The following CACNA1C variants were observed in gnomAD, a reference collection of about 807,000 sequenced individuals.
CACNA1C encodes voltage-dependent L-type calcium channel subunit alpha-1C.
A neutral mutation model predicts 229.0 loss-of-function variants in CACNA1C; 30 were observed. The ratio of observed to expected loss-of-function variants is 0.13; its 90% CI spans 0.10 to 0.18. The LOEUF (loss-of-function observed/expected upper bound fraction) is 0.18. Ranked by LOEUF, CACNA1C falls within the 10% of genes least tolerant of loss-of-function variation. CACNA1C has a pLI of 1.00. For synonymous variants in CACNA1C, 1,114 were observed against 1,132.5 expected, an observed-to-expected ratio of 0.98 and a Z score of 0.33; for missense variants, 1,658 against 2,845.0, an observed-to-expected ratio of 0.58 and a Z score of 9.49.
rs567508437 is a variant in CACNA1C, at chr12:2,011,615, A to C, written c.139+40414A>C. Among the ~76,000 whole-genome samples the C allele has an allele frequency of 6.2e-4, 95 of 152,354 alleles. 1 individual carries two copies. The highest frequency in any genetic ancestry group is 1.2e-3 in the Non-Finnish European group (81 of 68,032). On this transcript the variant is annotated intron_variant, in intron 1 of 46. Transcript: ENST00000682462. ...CCTCGGTTCATATCAAATGCGTATCAAATCTTTACAAACATGTAGAAAAGC... is the reference window on the plus strand; with the variant it reads ...CCTCGGTTCATATCAAATGCGTATCCAATCTTTACAAACATGTAGAAAAGC...
At chr12:2,472,574 A>G (rs969701635) in intron 5 of CACNA1C, among the ~76,000 whole-genome samples, 1 of 151,990 alleles carries the variant, frequency 6.6e-6, no homozygotes, top group Non-Finnish European at 1.5e-5. Context: ...ATGTATCTAT[A>G]TATGGATACA....
chr12:2,413,442 A>G (rs1049235553), intron 3 of CACNA1C, among the ~76,000 whole-genome samples: 1 of 152,160 alleles, frequency 6.6e-6, no homozygotes, highest in Non-Finnish European at 1.5e-5. Flanking sequence ...CTCAGTTTGA[A>G]TTGCCATGTG....
intron 4 of CACNA1C, among the ~76,000 whole-genome samples, chr12:2,456,408 C>G (rs928749810): frequency 6.6e-6 from 1 of 152,232 alleles, no homozygotes; most frequent in Non-Finnish European, 1.5e-5. Flanking sequence ...GATCATGTCA[C>G]TCTCCTGCTC....
intron 3 of CACNA1C, among the ~76,000 whole-genome samples, chr12:2,390,159 C>T (rs554715449): frequency 1.3e-4 from 20 of 152,272 alleles, no homozygotes; most frequent in African/African-American, 4.8e-4. Flanking sequence ...TAAAAGGTCC[C>T]CCAAGCCCAG....
At chr12:2,095,131 A>G (rs2073282258) in intron 1 of CACNA1C, among the ~76,000 whole-genome samples, 1 of 152,212 alleles carries the variant, frequency 6.6e-6, no homozygotes, top group Non-Finnish European at 1.5e-5. Flanking sequence ...CCACCAGATC[A>G]CACTATCTCT....
intron 1 of CACNA1C, among the ~76,000 whole-genome samples, chr12:2,013,051 CATA>C (rs1179133608): frequency 6.6e-6 from 1 of 152,118 alleles, no homozygotes; most frequent in Non-Finnish European, 1.5e-5. Flanking sequence ...GCCATAGTGG[CATA>C]ATGTCTTTCT....
chr12:2,255,639 G>C (rs1468625638), intron 3 of CACNA1C, among the ~76,000 whole-genome samples: 1 of 152,224 alleles, frequency 6.6e-6, no homozygotes, highest in Non-Finnish European at 1.5e-5. Context: ...AGAAGACCAG[G>C]AGGGTCACCT....
In CACNA1C at chr12:2,098,736, C is replaced by T. The variant is rs905898735; in HGVS notation, c.50-16488C>T. ...AAAAGAGTTTTAAAAACCCAGCTTT[C>T]ATGTTTTATTTTACTTCATTGAAAT... On this transcript the variant is annotated intron_variant, in intron 1 of 46. Coordinates refer to ENST00000399655, the MANE Select transcript of CACNA1C (RefSeq NM_000719.7). Among the ~76,000 whole-genome samples, 3 of 152,314 alleles carry T rather than the reference C, an allele frequency of 2.0e-5. 1 individual carries two copies. The highest frequency in any genetic ancestry group is 1.5e-5 in the Non-Finnish European group (1 of 68,016).
rs1544514 is a variant in CACNA1C, at chr12:2,449,020, G to A, written c.522G>A (p.Ala174=). 0.19 allele frequency: 310,077 copies of A among 1,603,596 alleles called. 31,499 individuals carry two copies. The highest frequency in any genetic ancestry group is 0.22 in the Middle Eastern group (1,302 of 6,040). Residue 174 remains alanine (A), a synonymous_variant, in exon 4 of 47, where the codon GCG becomes GCA. Transcript: ENST00000399655. The stretch of plus-strand genomic sequence containing the variant: ...TTCTCATAATTTTTACGGTGGAAGC[G>A]TTTTTAAAAGTAATCGCCTATGGAC... ...YLFLIIFTVE[A]FLKVIAYGLL...
intron 38 of CACNA1C, among the ~76,000 whole-genome samples, chr12:2,671,962 C>G (rs2096589396): frequency 6.6e-6 from 1 of 152,154 alleles, no homozygotes; most frequent in Non-Finnish European, 1.5e-5. Context: ...GACACGGGCC[C>G]TCCACAAACT....
chr12:2,397,285 GT>G (rs1382262573), intron 3 of CACNA1C, among the ~76,000 whole-genome samples: 1 of 152,224 alleles, frequency 6.6e-6, no homozygotes, highest in East Asian at 1.9e-4. Flanking sequence ...TTTTGCTTGT[GT>G]CTTGGATTTT....
chr12:2,259,255 C>T (rs529378076), intron 3 of CACNA1C, among the ~76,000 whole-genome samples: 1 of 152,186 alleles, frequency 6.6e-6, no homozygotes, highest in African/African-American at 2.4e-5. Flanking sequence ...ACACGGGACC[C>T]AGCAGTTTGT....
intron 9 of CACNA1C, among the ~76,000 whole-genome samples, chr12:2,514,186 T>C (rs1330664669): frequency 6.6e-6 from 1 of 152,154 alleles, no homozygotes; most frequent in Non-Finnish European, 1.5e-5. Flanking sequence ...GAGAGGATGA[T>C]GAGAAGAGCT....
intron 3 of CACNA1C, among the ~76,000 whole-genome samples, chr12:2,359,165 A>G (rs1022521503): frequency 1.3e-5 from 2 of 152,126 alleles, no homozygotes; most frequent in Admixed American, 6.5e-5. Context: ...TGACCCACCC[A>G]TCTCCTACAC....
chr12:2,065,694 A>G (rs1352750652), intron 1 of CACNA1C, among the ~76,000 whole-genome samples: 1 of 152,218 alleles, frequency 6.6e-6, no homozygotes, highest in Non-Finnish European at 1.5e-5. Context: ...GTATGGAAAG[A>G]TGGAATAAAT....
chr12:2,373,351 A>G (rs1377050030), intron 3 of CACNA1C, among the ~76,000 whole-genome samples: 1 of 151,862 alleles, frequency 6.6e-6, no homozygotes, highest in African/African-American at 2.4e-5. Flanking sequence ...CTACATTCTC[A>G]TGGGGGAGAC....
rs957071902 is a variant in CACNA1C, at chr12:2,668,771, A to G, written c.4624-162A>G. The G allele has an allele frequency of 4.2e-5, 26 of 618,136 alleles. No individual in the cohort carries two copies. The Admixed American group carries it at 6.2e-4, about 15-fold the overall frequency. 38.3% of individuals were successfully genotyped at this position (618,136 alleles called of 1,614,324 possible). ...TTATGAGAAATCCACCCCATGATGC[A>G]ATCACCTTCCATCAGGCCCCACCTC... is the stretch of plus-strand genomic sequence containing the variant. On this transcript the variant is annotated intron_variant, in intron 37 of 46. Coordinates refer to ENST00000399655, the MANE Select transcript of CACNA1C (RefSeq NM_000719.7).
chr12:2,197,470 A>G (rs569166442), intron 3 of CACNA1C, among the ~76,000 whole-genome samples: 3 of 152,234 alleles, frequency 2.0e-5, no homozygotes, highest in South Asian at 2.1e-4. Flanking sequence ...AAAAATTAAG[A>G]CTCAGTGATA....
At chr12:2,524,010 C>T (rs943685925) in intron 9 of CACNA1C, among the ~76,000 whole-genome samples, 3 of 152,232 alleles carry the variant, frequency 2.0e-5, no homozygotes, top group African/African-American at 7.2e-5. Flanking sequence ...CAGCCTTTCT[C>T]ACTACTTGCT....
Sources: gnomAD v4.1 joint callset for allele counts (sites outside exome capture counted in the v4.1 genomes callset) on GRCh38, gnomAD v4.1.1 for gene constraint, MANE v1.5 for transcripts, NCBI Gene and HGNC (gene_info 2026-07-23, HGNC 2026-07-21) for gene names.